The following RAP1GAP2 variants were observed in gnomAD, a reference collection of about 807,000 sequenced individuals.
RAP1GAP2 encodes the protein rap1 GTPase-activating protein 2.
In RAP1GAP2, 27 loss-of-function variants were observed where a neutral mutation model predicts 95.0. That is an observed-to-expected ratio of 0.28 (90% CI 0.21 to 0.39). The LOEUF is 0.39. Among genes scored for constraint, RAP1GAP2 ranks in the 10% least tolerant of loss-of-function variants. The probability of loss-of-function intolerance (pLI) is 1.00; values close to 1 mark genes in which losing one functional copy is unlikely to be tolerated. For missense variants in RAP1GAP2, 771 were observed against 970.0 expected (o/e 0.79, Z 2.72); for synonymous variants, 373 against 380.9 (o/e 0.98, Z 0.24).
chr17:2,960,426 G>T (rs1338802430), intron 4 of RAP1GAP2, among the ~76,000 whole-genome samples: 1 of 152,198 alleles, frequency 6.6e-6, no homozygotes, highest in Non-Finnish European at 1.5e-5. Context: ...TGTGTGAGGG[G>T]AGCGCCTGTT....
intron 2 of RAP1GAP2, among the ~76,000 whole-genome samples, chr17:2,822,955 A>G (rs1367979043): frequency 6.6e-6 from 1 of 152,154 alleles, no homozygotes. Flanking sequence ...TCTACTAAAA[A>G]TACAAAAAGT....
chr17:3,035,718 G>C lies in RAP1GAP2; in HGVS notation c.*2357G>C, dbSNP rs2047450421. Reference sequence around the variant, plus strand: ...TTCCAGCCCACCCGGGCAGTGCTGAGAGGGAGGAGGAGAACAAGGATGGCC... The same window carrying C: ...TTCCAGCCCACCCGGGCAGTGCTGACAGGGAGGAGGAGAACAAGGATGGCC... On this transcript the variant is annotated 3_prime_UTR_variant, in exon 25 of 25. Transcript: ENST00000254695. The surrounding 1 kb of genome is among the most constrained non-coding windows in gnomAD (Gnocchi z 4.3). 1 of 152,302 alleles carries C rather than the reference G, an allele frequency of 6.6e-6. No homozygotes were observed. The highest frequency in any genetic ancestry group is 1.9e-4 in the East Asian group (1 of 5,194). 9.4% of individuals were successfully genotyped at this position (152,302 alleles called of 1,614,324 possible).
At chr17:2,795,925 G>C (rs560660929), upstream of RAP1GAP2, among the ~76,000 whole-genome samples, 3 of 152,270 alleles carry the variant, frequency 2.0e-5, no homozygotes, top group South Asian at 6.2e-4. Flanking sequence ...GTGTGTCCAT[G>C]TGTGCATCCC....
rs934160034 is a variant in RAP1GAP2 at position 2,797,700 on chromosome 17, C to T, written c.44+1129C>T. On this transcript the variant is annotated intron_variant, in intron 1 of 24. Transcript: ENST00000254695. The surrounding 1 kb of genome is among the most constrained non-coding windows in gnomAD (Gnocchi z 5.6). ...TCCATGTTTGGCAGATGGGATGGTG[C>T]GGATGAGAAGATGGCACAGCGTCGC... is the stretch of plus-strand genomic sequence containing the variant. 32 of 985,214 alleles carry T rather than the reference C, an allele frequency of 3.2e-5. No individual in the cohort carries two copies. The highest frequency in any genetic ancestry group is 2.3e-4 in the African/African-American group (13 of 57,212). 61.0% of individuals were successfully genotyped at this position (985,214 alleles called of 1,614,324 possible). A position where few individuals can be genotyped will look rare whatever the true frequency, so the allele number is the denominator to read the frequency against.
chr17:2,961,738 A>G (rs2044337197), intron 4 of RAP1GAP2, among the ~76,000 whole-genome samples: 1 of 152,146 alleles, frequency 6.6e-6, no homozygotes, highest in Admixed American at 6.5e-5. Context: ...AAGGGTCACA[A>G]ATAGTAAGTT....
Position 3,008,085 on chromosome 17 carries a change from G to C in RAP1GAP2, c.1434G>C (p.Leu478=). The part of the protein sequence containing the change: ...LHAHTQAMLG[L]GPEEDKFENG... ...CCCACACACAGGCCATGCTGGGACT[G>C]GGCCCAGAGGAGGACAAGTTTGAGA... Residue 478 remains leucine, a synonymous_variant, in exon 17 of 25, where the codon CTG becomes CTC. Transcript: ENST00000254695. The surrounding 1 kb of genome is among the most constrained non-coding windows in gnomAD (Gnocchi z 4.2). The C allele has an allele frequency of 1.2e-6, 2 of 1,614,022 alleles. No individual in the cohort carries two copies. Among genetic ancestry groups the C allele is most frequent in the Non-Finnish European group, 1.7e-6 (2 of 1,179,888 alleles).
rs2070610128 is a variant in RAP1GAP2 at position 2,827,260 on chromosome 17, G to GGCAGTCT, written c.80+26710_80+26711insGCAGTCT. ...AGCTCAGCTGAGTGGATACCCACTC[G>GGCAGTCT]CACATCCAACAGCTCTCATTCCCAA... On this transcript the variant is annotated intron_variant, in intron 2 of 24. Transcript: ENST00000254695. This position sits in a 1 kb window ranked among gnomAD's most constrained non-coding sequence, Gnocchi z 4.1. Among the ~76,000 whole-genome samples the GGCAGTCT allele has an allele frequency of 6.6e-6, 1 of 152,106 alleles. No individual in the cohort carries two copies. The highest frequency in any genetic ancestry group is 2.4e-5 in the African/African-American group (1 of 41,436).
rs186172100 is a variant in RAP1GAP2, at chr17:2,863,846, C to T, written c.81-41438C>T. Among the ~76,000 whole-genome samples the T allele has an allele frequency of 5.2e-3, 795 of 152,160 alleles. 9 individuals are homozygous for T. The highest frequency in any genetic ancestry group is 0.014 in the African/African-American group (596 of 41,506). On this transcript the variant is annotated intron_variant, in intron 2 of 24. Transcript: ENST00000254695. ...CCAAGGCAGGCGGATCACCTGAGGT[C>T]GGGAGTTCGAGACCAGCCAACATGG...
intron 3 of RAP1GAP2, among the ~76,000 whole-genome samples, chr17:2,922,981 C>T (rs370755752): frequency 1.4e-4 from 21 of 148,946 alleles, no homozygotes; most frequent in East Asian, 8.1e-4. Flanking sequence ...CAGGCTCCAG[C>T]GATTCTCCTG....
intron 1 of RAP1GAP2, among the ~76,000 whole-genome samples, chr17:2,798,558 T>C (rs2069157945): frequency 6.8e-6 from 1 of 146,254 alleles, no homozygotes; most frequent in Non-Finnish European, 1.5e-5. Flanking sequence ...CTCCAGACAG[T>C]GAACAGAATC....
intron 3 of RAP1GAP2, among the ~76,000 whole-genome samples, chr17:2,953,724 G>A (rs1218253881): frequency 6.6e-6 from 1 of 152,102 alleles, no homozygotes; most frequent in Non-Finnish European, 1.5e-5. Context: ...GCGCATGCCT[G>A]TAATCCCAGC....
intron 3 of RAP1GAP2, among the ~76,000 whole-genome samples, chr17:2,954,783 G>A (rs1277830298): frequency 1.3e-5 from 2 of 150,976 alleles, no homozygotes; most frequent in Non-Finnish European, 3.0e-5. Context: ...TAGTAGAGAC[G>A]GGGTTTCACC....
At chr17:2,832,878 C>T (rs1374783358) in intron 2 of RAP1GAP2, among the ~76,000 whole-genome samples, 1 of 151,634 alleles carries the variant, frequency 6.6e-6, no homozygotes, top group Non-Finnish European at 1.5e-5. Flanking sequence ...CGGTGGGGGG[C>T]TGAGGCAGGA....
chr17:2,876,299 G>A (rs1416754821), intron 2 of RAP1GAP2, among the ~76,000 whole-genome samples: 1 of 152,108 alleles, frequency 6.6e-6, no homozygotes, highest in Non-Finnish European at 1.5e-5. Flanking sequence ...TTTATTCTGA[G>A]CCAAATAAGA....
intron 1 of RAP1GAP2, among the ~76,000 whole-genome samples, chr17:2,798,599 G>A (rs2069158846): frequency 6.7e-6 from 1 of 148,182 alleles, no homozygotes; most frequent in African/African-American, 2.5e-5. Context: ...AGCTCCATTG[G>A]ATGCAGGGTG....
chr17:2,914,989 A>G lies in RAP1GAP2; in HGVS notation c.165+9621A>G, dbSNP rs1191194729. On this transcript the variant is annotated intron_variant, in intron 3 of 24. Transcript: ENST00000254695. The stretch of plus-strand genomic sequence containing the variant: ...TTATTCTCAGTAAAGACAAGGTTTC[A>G]CCATGTTGGCCAGGCTGGTCTTGAA... Among the ~76,000 whole-genome samples, 6 of 150,506 alleles carry G rather than the reference A, an allele frequency of 4.0e-5. No homozygotes were observed. In the East Asian group the frequency reaches 1.2e-3, roughly 30 times the overall value.
chr17:2,919,152 A>C (rs75655772), intron 3 of RAP1GAP2, among the ~76,000 whole-genome samples: 3,363 of 152,300 alleles, frequency 0.022, 122 homozygotes, highest in African/African-American at 0.076. Context: ...CTTGTGGATC[A>C]GACTCCAAAC....
chr17:2,893,337 A>G (rs1164042962), intron 2 of RAP1GAP2, among the ~76,000 whole-genome samples: 1 of 152,152 alleles, frequency 6.6e-6, no homozygotes, highest in Non-Finnish European at 1.5e-5. Context: ...CACCGCACCC[A>G]GCCCCCTTAC....
chr17:2,912,126 C>A (rs147190065), intron 3 of RAP1GAP2, among the ~76,000 whole-genome samples: 1 of 152,262 alleles, frequency 6.6e-6, no homozygotes, highest in African/African-American at 2.4e-5. Context: ...AATGCCCCCA[C>A]CGCCTCTATG....
Sources: gnomAD v4.1 joint callset for allele counts (sites outside exome capture counted in the v4.1 genomes callset) on GRCh38, gnomAD v4.1.1 for gene constraint, Gnocchi (gnomAD v3.1) non-coding constraint, MANE v1.5 for transcripts, NCBI Gene and HGNC (gene_info 2026-07-23, HGNC 2026-07-21) for gene names.